MYO1E: variants seen among roughly 807,000 people sequenced by gnomAD.
MYO1E encodes the protein myosin IE, also known as unconventional myosin-Ie.
MYO1E carries 68 observed loss-of-function variants against 151.1 expected under a neutral mutation model. The ratio of observed to expected loss-of-function variants is 0.45; its 90% CI spans 0.37 to 0.55. MYO1E has a LOEUF of 0.55. Ranked by LOEUF, MYO1E falls within the 20% of genes least tolerant of loss-of-function variation. MYO1E has a pLI of 0.00. For synonymous variants in MYO1E, 601 were observed against 501.7 expected (o/e 1.20, Z -2.64); for missense variants, 1,363 against 1,389.3 (o/e 0.98, Z 0.30).
rs777931628 is a variant in MYO1E at position 59,195,584 on chromosome 15, G to A, written c.1699-17C>T. The A allele has an allele frequency of 1.3e-6, 2 of 1,596,472 alleles. No individual in the cohort carries two copies. The highest frequency in any genetic ancestry group is 2.2e-5 in the South Asian group (2 of 90,720). On this transcript the variant is annotated splice_polypyrimidine_tract_variant and intron_variant, in intron 16 of 27. Transcript: ENST00000288235. ...GGCTTGTTTCTAGAAAGGAAGAACA[G>A]TATCAGAATCATGGAACTTTCTCTA...
intron 4 of MYO1E, among the ~76,000 whole-genome samples, chr15:59,253,649 T>C (rs2140369032): frequency 6.6e-6 from 1 of 152,146 alleles, no homozygotes; most frequent in Middle Eastern, 3.4e-3. Context: ...GCCCGGCTAA[T>C]TTTTTGTATT....
Position 59,309,840 on chromosome 15 carries a change from G to A in MYO1E, c.4-37391C>T, listed in dbSNP as rs191385248. Among the ~76,000 whole-genome samples the A allele has an allele frequency of 1.5e-3, 226 of 152,278 alleles. 1 individual carries two copies. Among genetic ancestry groups the A allele is most frequent in the African/African-American group, 5.1e-3 (213 of 41,540 alleles). Reference sequence around the variant, plus strand: ...GGTAGAGACAAAGAGAAGCTTGTCTGGATAGGCCTTCGTATATACTGATAG... The same window carrying A: ...GGTAGAGACAAAGAGAAGCTTGTCTAGATAGGCCTTCGTATATACTGATAG... On this transcript the variant is annotated intron_variant, in intron 1 of 27. Transcript: ENST00000288235.
At chr15:59,244,176 C>G (rs1452519358) in intron 4 of MYO1E, among the ~76,000 whole-genome samples, 1 of 152,194 alleles carries the variant, frequency 6.6e-6, no homozygotes, top group Non-Finnish European at 1.5e-5. Flanking sequence ...AGACAAATAT[C>G]TAGTTAATTG....
At chr15:59,301,776 AG>A (rs1328348978) in intron 1 of MYO1E, among the ~76,000 whole-genome samples, 1 of 152,228 alleles carries the variant, frequency 6.6e-6, no homozygotes, top group Non-Finnish European at 1.5e-5. Context: ...TGGGTGGCCC[AG>A]GGGATTCTCT....
intron 24 of MYO1E, 37 bp from the exon 25 acceptor site, chr15:59,158,416 T>C (rs1048837700): frequency 1.5e-5 from 22 of 1,505,586 alleles, no homozygotes; most frequent in Non-Finnish European, 1.8e-5. Context: ...CCAGTGCTAC[T>C]GGTTGGTTTT....
At chr15:59,292,613 T>C (rs1306202904) in intron 1 of MYO1E, among the ~76,000 whole-genome samples, 2 of 152,222 alleles carry the variant, frequency 1.3e-5, no homozygotes, top group Non-Finnish European at 2.9e-5. Context: ...GGCCAGCCTC[T>C]GAAAGGCCCC....
intron 2 of MYO1E, 89 bp downstream of exon 2, chr15:59,272,217 T>G: frequency 1.4e-6 from 2 of 1,481,368 alleles, no homozygotes; most frequent in Non-Finnish European, 1.9e-6. Flanking sequence ...ATTACACACG[T>G]GAGCCACTGC....
At chr15:59,287,608 T>C (rs1281169578) in intron 1 of MYO1E, among the ~76,000 whole-genome samples, 1 of 152,178 alleles carries the variant, frequency 6.6e-6, no homozygotes, top group Non-Finnish European at 1.5e-5. Flanking sequence ...TGACGCCATT[T>C]TGTGATAAAG....
intron 1 of MYO1E, among the ~76,000 whole-genome samples, chr15:59,366,215 G>A (rs1332973377): frequency 1.3e-5 from 2 of 152,116 alleles, no homozygotes; most frequent in East Asian, 3.9e-4. Context: ...CTGACCTCAG[G>A]TGATCTGCCC....
intron 4 of MYO1E, among the ~76,000 whole-genome samples, chr15:59,238,996 A>T (rs1319652544): frequency 4.6e-5 from 7 of 151,374 alleles, no homozygotes; most frequent in African/African-American, 1.7e-4. Flanking sequence ...ATTTGAGGTC[A>T]GGAGTTCGAG....
intron 4 of MYO1E, among the ~76,000 whole-genome samples, chr15:59,238,416 T>C (rs1286984458): frequency 6.6e-6 from 1 of 152,070 alleles, no homozygotes. Flanking sequence ...TTACAAAGAG[T>C]ATGTAGCAAC....
At chr15:59,205,758 A>G (rs997060873) in intron 14 of MYO1E, among the ~76,000 whole-genome samples, 6 of 152,152 alleles carry the variant, frequency 3.9e-5, no homozygotes, top group African/African-American at 9.7e-5. Context: ...GGCCCAGCTG[A>G]TCCGTAATCA....
Position 59,280,505 on chromosome 15 carries a change from C to T in MYO1E, c.4-8056G>A, listed in dbSNP as rs540484022. 3.3e-5 allele frequency among the ~76,000 whole-genome samples: 5 copies of T among 151,942 alleles called. No homozygotes were observed. In the South Asian group the frequency reaches 8.3e-4, roughly 25 times the overall value. ...CTCGTGGTGGTGCACTCCTGTAATC[C>T]CAGCTACTCCAGAGGCTGAGTCAGG... On this transcript the variant is annotated intron_variant, in intron 1 of 27. Transcript: ENST00000288235.
chr15:59,176,449 C>CTT (rs68139054), intron 19 of MYO1E, among the ~76,000 whole-genome samples: 4 of 111,982 alleles, frequency 3.6e-5, no homozygotes, highest in Non-Finnish European at 5.9e-5. Flanking sequence ...TTTCTTTTTC[C>CTT]TTTTTTTTTT....
intron 1 of MYO1E, among the ~76,000 whole-genome samples, chr15:59,277,270 G>A (rs2080324673): frequency 6.6e-6 from 1 of 152,146 alleles, no homozygotes; most frequent in South Asian, 2.1e-4. Context: ...GTCTGGGCCA[G>A]GCGCGGTGGC....
intron 4 of MYO1E, among the ~76,000 whole-genome samples, chr15:59,246,619 C>T (rs1019193517): frequency 6.6e-6 from 1 of 152,142 alleles, no homozygotes; most frequent in Admixed American, 6.6e-5. Flanking sequence ...CTCTTTTCTA[C>T]CAATAACCTT....
Position 59,195,524 on chromosome 15 carries a change from G to A in MYO1E, c.1742C>T (p.Pro581Leu). Reference protein sequence around the residue: ...DLVSTLMKCTPHYIRCIKPNE... With the variant: ...DLVSTLMKCTLHYIRCIKPNE... ...TGGCTTGATGCAGCGAATGTAGTGG[G>A]GCGTACATTTCATCAGGGTGCTCAC... The change falls in exon 17 of 28, where the codon CCC becomes CTC. Residue 581 changes from proline to leucine, a missense_variant. Physicochemically the swap from Pro to Leu is moderately conservative, Grantham distance 98. Coordinates refer to ENST00000288235, the MANE Select transcript of MYO1E (RefSeq NM_004998.4). 6.2e-7 allele frequency: 1 copy of A among 1,614,080 alleles called. No homozygotes were observed. Among genetic ancestry groups the A allele is most frequent in the Non-Finnish European group, 8.5e-7 (1 of 1,179,990 alleles).
intron 14 of MYO1E, chr15:59,206,781 C>T (rs2079836932): frequency 1.5e-6 from 1 of 668,624 alleles, no homozygotes; most frequent in Non-Finnish European, 2.5e-6. Flanking sequence ...GTGTCGGAGA[C>T]TCTGGCAAGG....
intron 3 of MYO1E, 94 bp downstream of exon 3, chr15:59,261,321 TAATAG>T: frequency 1.4e-6 from 1 of 711,222 alleles, no homozygotes; most frequent in South Asian, 2.2e-5. Flanking sequence ...AAAAAATTCA[TAATAG>T]AAAAGTGCAA....
Sources: gnomAD v4.1 joint callset for allele counts (sites outside exome capture counted in the v4.1 genomes callset) on GRCh38, gnomAD v4.1.1 for gene constraint, MANE v1.5 for transcripts, NCBI Gene and HGNC (gene_info 2026-07-23, HGNC 2026-07-21) for gene names.